CNTN3: variants seen among roughly 807,000 people sequenced by gnomAD.
CNTN3 encodes contactin-3.
CNTN3 carries 60 observed loss-of-function variants against 119.1 expected under a neutral mutation model. The ratio of observed to expected loss-of-function variants is 0.50; its 90% CI spans 0.41 to 0.62. CNTN3 has a LOEUF of 0.62. Among genes scored for constraint, CNTN3 ranks in the 20% least tolerant of loss-of-function variants. The probability of loss-of-function intolerance (pLI) is 0.00; values close to 1 mark genes in which losing one functional copy is unlikely to be tolerated. For missense variants in CNTN3, 1,101 were observed against 1,242.4 expected (o/e 0.89, Z 1.71); for synonymous variants, 450 against 438.7 (o/e 1.03, Z -0.32).
At chr3:74,456,813 C>T (rs1702278366) in intron 4 of CNTN3, among the ~76,000 whole-genome samples, 1 of 152,034 alleles carries the variant, frequency 6.6e-6, no homozygotes, top group Non-Finnish European at 1.5e-5. Flanking sequence ...AAATGTGCTG[C>T]TCATTTCATG....
At chr3:74,345,152 A>G (rs1703661203) in intron 11 of CNTN3, among the ~76,000 whole-genome samples, 1 of 152,168 alleles carries the variant, frequency 6.6e-6, no homozygotes, top group African/African-American at 2.4e-5. Context: ...ATGTTGCTCA[A>G]GAAGCTGGGT....
chr3:74,588,803 A>G (rs1704645666), intron 1 of CNTN3, among the ~76,000 whole-genome samples: 1 of 152,184 alleles, frequency 6.6e-6, no homozygotes, highest in Admixed American at 6.5e-5. Flanking sequence ...ATAACGCCGC[A>G]TGTCTACAAC....
intron 11 of CNTN3, among the ~76,000 whole-genome samples, chr3:74,347,497 TC>T (rs1472156361): frequency 1.3e-5 from 2 of 152,236 alleles, no homozygotes; most frequent in African/African-American, 4.8e-5. Flanking sequence ...TGCCTTGGCC[TC>T]CCAAAGTGCT....
At chr3:74,489,536 A>G (rs1042455024) in intron 3 of CNTN3, among the ~76,000 whole-genome samples, 3 of 151,174 alleles carry the variant, frequency 2.0e-5, no homozygotes, top group Admixed American at 1.3e-4. Flanking sequence ...GCAATTTTCT[A>G]TGTTCTGAAG....
At chr3:74,404,639 T>G (rs1386875623) in intron 5 of CNTN3, among the ~76,000 whole-genome samples, 1 of 152,032 alleles carries the variant, frequency 6.6e-6, no homozygotes, top group Non-Finnish European at 1.5e-5. Context: ...AGTTTTAGTA[T>G]GGGTCTGCCA....
At chr3:74,300,093 T>C (rs987050043) in intron 16 of CNTN3, among the ~76,000 whole-genome samples, 155 bp from the exon 17 acceptor site, 1 of 152,220 alleles carries the variant, frequency 6.6e-6, no homozygotes, top group African/African-American at 2.4e-5. Context: ...TTATATATTA[T>C]ATGCATTTAT....
At chr3:74,310,738 AGAGGGATAGATTTTACTAC>A (rs1157456630) in intron 13 of CNTN3, among the ~76,000 whole-genome samples, 1 of 152,154 alleles carries the variant, frequency 6.6e-6, no homozygotes, top group African/African-American at 2.4e-5. Flanking sequence ...TTTCAGGAGG[AGAGGGATAGATTTTACTAC>A]TTGGTAGGGA....
chr3:74,270,661 G>A (rs1701755688), intron 20 of CNTN3, among the ~76,000 whole-genome samples: 1 of 152,158 alleles, frequency 6.6e-6, no homozygotes. Context: ...GGGGATAGTT[G>A]ATAGTGTAAC....
Position 74,407,836 on chromosome 3 carries a change from A to C in CNTN3, c.454+17009T>G, listed in dbSNP as rs556356756. On this transcript the variant is annotated intron_variant, in intron 5 of 22. Coordinates refer to ENST00000263665, the MANE Select transcript of CNTN3 (RefSeq NM_020872.3). ...ACTTGATGGTAGCACTCCTCAGGGC[A>C]TCCATTGAAAGGTATCTCATTTTGA... Among the ~76,000 whole-genome samples, 5 of 152,364 alleles carry C rather than the reference A, an allele frequency of 3.3e-5. No individual in the cohort carries two copies. The South Asian group carries it at 1.0e-3, about 32-fold the overall frequency.
intron 5 of CNTN3, among the ~76,000 whole-genome samples, chr3:74,418,434 C>T (rs574709610): frequency 1.4e-4 from 20 of 147,626 alleles, no homozygotes; most frequent in South Asian, 2.2e-4. Flanking sequence ...CTCTGCCTCC[C>T]GGGTTCAAGC....
intron 4 of CNTN3, among the ~76,000 whole-genome samples, chr3:74,457,548 T>A (rs1373299257): frequency 6.6e-6 from 1 of 152,030 alleles, no homozygotes; most frequent in African/African-American, 2.4e-5. Flanking sequence ...TATAAAATGT[T>A]ATTTGTAGTA....
At position 74,523,117 on chromosome 3, in the gene CNTN3, A is replaced by G. The variant is rs542438429; in HGVS notation, c.-80-1925T>C. 1.5e-3 allele frequency among the ~76,000 whole-genome samples: 225 copies of G among 151,690 alleles called. 1 individual carries two copies. Among genetic ancestry groups the G allele is most frequent in the Middle Eastern group, 0.014 (4 of 294 alleles). On this transcript the variant is annotated intron_variant, in intron 1 of 22. Coordinates refer to ENST00000263665, the MANE Select transcript of CNTN3 (RefSeq NM_020872.3). ...TTCCTTCCTTCCTTCTGCTCAATCA[A>G]TGACATATCCTATGTCCACAATTAT... is the stretch of plus-strand genomic sequence containing the variant.
At chr3:74,362,129 T>TGCTGTTA in intron 10 of CNTN3, 89 bp from the exon 11 acceptor site, 1 of 1,449,434 alleles carries the variant, frequency 6.9e-7, no homozygotes. Flanking sequence ...GTTTTAAAAG[T>TGCTGTTA]TTTCTTTACA....
chr3:74,330,264 G>C (rs1416286131), intron 13 of CNTN3, among the ~76,000 whole-genome samples: 1 of 151,940 alleles, frequency 6.6e-6, no homozygotes, highest in Non-Finnish European at 1.5e-5. Context: ...GCTGAGCCTT[G>C]AGGATCATTT....
At chr3:74,273,962 T>C (rs1317166040) in intron 20 of CNTN3, among the ~76,000 whole-genome samples, 1 of 152,062 alleles carries the variant, frequency 6.6e-6, no homozygotes, top group Non-Finnish European at 1.5e-5. Flanking sequence ...TTTTTTGCTG[T>C]CAGTGGGGGC....
intron 20 of CNTN3, among the ~76,000 whole-genome samples, chr3:74,282,822 CAT>C (rs1274353845): frequency 6.6e-6 from 1 of 152,098 alleles, no homozygotes; most frequent in Non-Finnish European, 1.5e-5. Flanking sequence ...AAATTATTAA[CAT>C]AAAATTTAAA....
At chr3:74,272,994 G>T (rs2106754848) in intron 20 of CNTN3, among the ~76,000 whole-genome samples, 1 of 151,478 alleles carries the variant, frequency 6.6e-6, no homozygotes, top group East Asian at 1.9e-4. Context: ...CAATTTTTAA[G>T]AAAAAAATAG....
chr3:74,571,353 G>T (rs1704329835), intron 1 of CNTN3, among the ~76,000 whole-genome samples: 2 of 152,116 alleles, frequency 1.3e-5, no homozygotes, highest in South Asian at 4.1e-4. Flanking sequence ...TAACCTGCAG[G>T]ATTCTCATGG....
At chr3:74,442,174 CACAGAG>C (rs1429209175) in intron 4 of CNTN3, among the ~76,000 whole-genome samples, 81 of 113,884 alleles carry the variant, frequency 7.1e-4, no homozygotes, top group East Asian at 2.7e-3. Flanking sequence ...CACACACACA[CACAGAG>C]AGAGAGAGAT....
Sources: allele counts gnomAD v4.1 joint callset (sites outside exome capture counted in the v4.1 genomes callset), GRCh38; gene constraint gnomAD v4.1.1; transcripts MANE v1.5; gene names NCBI Gene and HGNC (gene_info 2026-07-23, HGNC 2026-07-21).